The following RBFOX3 variants were observed in gnomAD, a reference collection of about 807,000 sequenced individuals.
The protein encoded by RBFOX3 is RNA binding fox-1 homolog 3, also known as RNA binding protein fox-1 homolog 3.
In RBFOX3, 17 loss-of-function variants were observed where a neutral mutation model predicts 48.7. The observed-to-expected ratio is 0.35, with a 90% CI of 0.24 to 0.52. The LOEUF (loss-of-function observed/expected upper bound fraction) is 0.52, where lower values mean the gene tolerates loss of function less well. Among genes scored for constraint, RBFOX3 ranks in the 20% least tolerant of loss-of-function variants. RBFOX3 has a pLI of 0.94. For synonymous variants in RBFOX3, 212 were observed against 209.5 expected (o/e 1.01, Z -0.10); for missense variants, 382 against 497.5 (o/e 0.77, Z 2.21).
chr17:79,499,512 G>A (rs1328826877), intron 1 of RBFOX3, among the ~76,000 whole-genome samples: 2 of 152,172 alleles, frequency 1.3e-5, no homozygotes, highest in Non-Finnish European at 2.9e-5. Flanking sequence ...CAATGAGAGG[G>A]GGTGAGAAGG....
chr17:79,557,753 G>A (rs952879038), intron 1 of RBFOX3, among the ~76,000 whole-genome samples: 531 of 152,356 alleles, frequency 3.5e-3, no homozygotes, highest in African/African-American at 6.8e-3. Context: ...AGATGTCAGC[G>A]TATCGGGCAG....
intron 2 of RBFOX3, among the ~76,000 whole-genome samples, chr17:79,380,187 C>T (rs1271517588): frequency 6.6e-6 from 1 of 152,014 alleles, no homozygotes; most frequent in East Asian, 1.9e-4. Flanking sequence ...CTCCACAATC[C>T]CCCCCTTGCC....
At chr17:79,659,323 T>C in the RBFOX3 span, among the ~76,000 whole-genome samples, 22 of 151,966 alleles carry the variant, frequency 1.4e-4, no homozygotes, top group Admixed American at 4.6e-4. Flanking sequence ...AACAGGATGA[T>C]GTACCAGAGG....
intron 4 of RBFOX3, among the ~76,000 whole-genome samples, chr17:79,128,915 C>T (rs1197778911): frequency 6.6e-6 from 1 of 152,162 alleles, no homozygotes; most frequent in Admixed American, 6.5e-5. Context: ...ATTGCAAATG[C>T]CTCAGGCCAG....
intron 1 of RBFOX3, among the ~76,000 whole-genome samples, chr17:79,509,610 T>C (rs2083789828): frequency 6.6e-6 from 1 of 152,278 alleles, no homozygotes; most frequent in South Asian, 2.1e-4. Flanking sequence ...CCTTCCCTTA[T>C]ACTAACGGTT....
chr17:79,128,849 G>A (rs2038034275), intron 4 of RBFOX3, among the ~76,000 whole-genome samples: 1 of 152,224 alleles, frequency 6.6e-6, no homozygotes, highest in Non-Finnish European at 1.5e-5. Flanking sequence ...AGGGGTCCCT[G>A]CAGGTACTTT....
intron 1 of RBFOX3, among the ~76,000 whole-genome samples, chr17:79,542,530 T>A (rs901195021): frequency 6.7e-6 from 1 of 149,542 alleles, no homozygotes; most frequent in East Asian, 2.0e-4. Flanking sequence ...ACGCCTGTAA[T>A]CCCAGCACTC....
intron 2 of RBFOX3, among the ~76,000 whole-genome samples, chr17:79,440,639 C>G (rs2070694559): frequency 6.6e-6 from 1 of 152,194 alleles, no homozygotes; most frequent in South Asian, 2.1e-4. Flanking sequence ...CACCTCTGGA[C>G]CCCGGACCAT....
intron 3 of RBFOX3, among the ~76,000 whole-genome samples, chr17:79,292,617 T>C (rs11653193): frequency 2.3e-4 from 15 of 64,502 alleles, no homozygotes; most frequent in African/African-American, 9.4e-4. Flanking sequence ...CACACACACA[T>C]ACATGCAGAC....
chr17:79,382,024 C>A (rs1164168126), intron 2 of RBFOX3, among the ~76,000 whole-genome samples: 4 of 152,208 alleles, frequency 2.6e-5, no homozygotes, highest in Non-Finnish European at 5.9e-5. Flanking sequence ...CAGCCGCCAA[C>A]AGAGCCCCCC....
chr17:79,208,190 G>A (rs942375947), intron 4 of RBFOX3, among the ~76,000 whole-genome samples: 6 of 152,196 alleles, frequency 3.9e-5, no homozygotes, highest in Admixed American at 2.6e-4. Context: ...CTGGCAGTGC[G>A]GGTCTCCAGC....
At chr17:79,218,572 G>A (rs2059346250) in intron 4 of RBFOX3, among the ~76,000 whole-genome samples, 1 of 152,164 alleles carries the variant, frequency 6.6e-6, no homozygotes, top group Admixed American at 6.5e-5. Flanking sequence ...AGAGGAGCCC[G>A]GCAATCAGAC....
chr17:79,472,060 G>A (rs1489362466), intron 2 of RBFOX3, among the ~76,000 whole-genome samples: 2 of 152,196 alleles, frequency 1.3e-5, no homozygotes, highest in Non-Finnish European at 2.9e-5. Flanking sequence ...CACAGATGAC[G>A]ACGACCGCCC....
chr17:79,199,940 C>A lies in RBFOX3; in HGVS notation c.-34+35826G>T, dbSNP rs1018746576. ...CTTTGGGAGGCCGAGGTGGGTGGAT[C>A]ACCTGAAGTCAGGAGTTCAAGACCA... On this transcript the variant is annotated intron_variant, in intron 4 of 14. Coordinates refer to ENST00000693108, the MANE Select transcript of RBFOX3 (RefSeq NM_001350451.2). The surrounding 1 kb of genome is among the most constrained non-coding windows in gnomAD (Gnocchi z 5.1). 1.3e-5 allele frequency among the ~76,000 whole-genome samples: 2 copies of A among 152,150 alleles called. No homozygotes were observed. Among genetic ancestry groups the A allele is most frequent in the Non-Finnish European group, 2.9e-5 (2 of 68,018 alleles).
intron 1 of RBFOX3, among the ~76,000 whole-genome samples, chr17:79,547,609 C>T (rs1453357623): frequency 6.6e-6 from 1 of 152,214 alleles, no homozygotes; most frequent in African/African-American, 2.4e-5. Flanking sequence ...ACACACACCC[C>T]CAGCACACAT....
chr17:79,555,959 A>G (rs1398492501), intron 1 of RBFOX3, among the ~76,000 whole-genome samples: 1 of 152,132 alleles, frequency 6.6e-6, no homozygotes, highest in Non-Finnish European at 1.5e-5. Context: ...CAACTACAAC[A>G]ATGTCACCAA....
At chr17:79,164,529 TG>T (rs1333801663) in intron 4 of RBFOX3, among the ~76,000 whole-genome samples, 1 of 152,164 alleles carries the variant, frequency 6.6e-6, no homozygotes, top group Non-Finnish European at 1.5e-5. Context: ...ATTAACACCT[TG>T]GGTGCCTTGG....
chr17:79,389,330 A>T (rs1568163803), intron 2 of RBFOX3, among the ~76,000 whole-genome samples: 1 of 152,280 alleles, frequency 6.6e-6, no homozygotes, highest in East Asian at 1.9e-4. Flanking sequence ...CCAAATAAAC[A>T]GTAGCTGGGT....
At chr17:79,319,256 G>T (rs142509938) in intron 2 of RBFOX3, among the ~76,000 whole-genome samples, 1 of 152,146 alleles carries the variant, frequency 6.6e-6, no homozygotes, top group Non-Finnish European at 1.5e-5. Flanking sequence ...AAGAAAAGTC[G>T]CACTGTATCA....
Sources: allele counts gnomAD v4.1 joint callset (sites outside exome capture counted in the v4.1 genomes callset), GRCh38; gene constraint gnomAD v4.1.1; non-coding constraint Gnocchi (gnomAD v3.1); transcripts MANE v1.5; gene names NCBI Gene and HGNC (gene_info 2026-07-23, HGNC 2026-07-21).